RSRC1: variants seen among roughly 807,000 people sequenced by gnomAD.
RSRC1 encodes the protein serine/Arginine-related protein 53.
RSRC1 carries 39 observed loss-of-function variants against 49.1 expected under a neutral mutation model. The ratio of observed to expected loss-of-function variants is 0.79; its 90% confidence interval spans 0.61 to 1.04. The LOEUF is 1.04. Ranked by LOEUF, RSRC1 falls within the 50% of genes least tolerant of loss-of-function variation. RSRC1 has a pLI of 0.00. For missense variants in RSRC1, 388 were observed against 402.4 expected (o/e 0.96, Z 0.31); for synonymous variants, 143 against 130.8 (o/e 1.09, Z -0.63).
chr3:158,356,748 G>A (rs1731184353), intron 6 of RSRC1, among the ~76,000 whole-genome samples: 1 of 152,016 alleles, frequency 6.6e-6, no homozygotes, highest in South Asian at 2.1e-4. Flanking sequence ...GTAAACCCTT[G>A]CTTTGAAGGA....
chr3:158,242,915 G>A (rs1412161699), intron 4 of RSRC1, among the ~76,000 whole-genome samples: 2 of 151,900 alleles, frequency 1.3e-5, no homozygotes, highest in East Asian at 3.9e-4. Flanking sequence ...TTTTTGTGTT[G>A]TAAATTTAAG....
intron 5 of RSRC1, among the ~76,000 whole-genome samples, chr3:158,314,566 T>G (rs1281002790): frequency 6.6e-6 from 1 of 152,186 alleles, no homozygotes; most frequent in Non-Finnish European, 1.5e-5. Context: ...ATTGTTATCC[T>G]GTCAGCATGT....
At chr3:158,182,072 C>G (rs1482578309) in intron 3 of RSRC1, among the ~76,000 whole-genome samples, 2 of 151,886 alleles carry the variant, frequency 1.3e-5, no homozygotes, top group Non-Finnish European at 2.9e-5. Flanking sequence ...ATTGGGAGTT[C>G]GGGAGGTTGG....
chr3:158,521,300 C>T (rs1041542673), intron 7 of RSRC1, among the ~76,000 whole-genome samples: 3 of 152,098 alleles, frequency 2.0e-5, no homozygotes, highest in African/African-American at 7.2e-5. Context: ...GACTGTTGTA[C>T]ATGTTCTATT....
intron 5 of RSRC1, among the ~76,000 whole-genome samples, chr3:158,326,304 T>G (rs1729135788): frequency 6.6e-6 from 1 of 152,218 alleles, no homozygotes; most frequent in Non-Finnish European, 1.5e-5. Flanking sequence ...CCATGTCTTG[T>G]GCCGGTTTTC....
intron 3 of RSRC1, among the ~76,000 whole-genome samples, chr3:158,202,370 G>A (rs1247868610): frequency 6.6e-6 from 1 of 151,202 alleles, no homozygotes; most frequent in Non-Finnish European, 1.5e-5. Context: ...CATAAAGGTT[G>A]TCATCCTCAT....
chr3:158,334,338 A>G (rs2108201457), intron 5 of RSRC1, among the ~76,000 whole-genome samples: 1 of 152,320 alleles, frequency 6.6e-6, no homozygotes, highest in South Asian at 2.1e-4. Context: ...AGTAAAAATA[A>G]CTAGTTTTGT....
chr3:158,178,020 G>T (rs571799071), intron 3 of RSRC1, among the ~76,000 whole-genome samples: 22 of 152,166 alleles, frequency 1.4e-4, no homozygotes, highest in African/African-American at 5.1e-4. Flanking sequence ...TTATTAGCAG[G>T]ATATTGTTTT....
intron 6 of RSRC1, among the ~76,000 whole-genome samples, chr3:158,429,065 G>A (rs998904653): frequency 4.6e-5 from 7 of 151,800 alleles, no homozygotes; most frequent in Admixed American, 6.6e-5. Flanking sequence ...AGGGAGCAGC[G>A]CCCTAGCAAG....
intron 6 of RSRC1, among the ~76,000 whole-genome samples, chr3:158,453,303 T>C (rs1319878010): frequency 6.6e-6 from 1 of 151,642 alleles, no homozygotes; most frequent in Non-Finnish European, 1.5e-5. Flanking sequence ...AATAGGCTCC[T>C]ACAAGTGGGA....
chr3:158,534,162 A>G (rs964030368), intron 7 of RSRC1, among the ~76,000 whole-genome samples: 3 of 151,758 alleles, frequency 2.0e-5, no homozygotes, highest in African/African-American at 7.2e-5. Flanking sequence ...GCTGTCAGGG[A>G]CACATCTTCA....
chr3:158,364,207 A>G (rs1208640648), intron 6 of RSRC1, among the ~76,000 whole-genome samples: 1 of 152,120 alleles, frequency 6.6e-6, no homozygotes, highest in Non-Finnish European at 1.5e-5. Context: ...ATAATGTTGT[A>G]CTGTTTCCGG....
intron 4 of RSRC1, among the ~76,000 whole-genome samples, chr3:158,259,359 G>T (rs1724759039): frequency 6.6e-6 from 1 of 152,164 alleles, no homozygotes; most frequent in South Asian, 2.1e-4. Flanking sequence ...GTGGTCTTTG[G>T]TAAGATGCAG....
chr3:158,299,351 T>A (rs532112101), intron 5 of RSRC1, among the ~76,000 whole-genome samples: 172 of 152,128 alleles, frequency 1.1e-3, no homozygotes, highest in Middle Eastern at 3.4e-3. Flanking sequence ...TTTGTTTTTT[T>A]GAGATGGAGC....
At chr3:158,210,887 A>G (rs1259781369) in intron 4 of RSRC1, among the ~76,000 whole-genome samples, 2 of 152,034 alleles carry the variant, frequency 1.3e-5, no homozygotes, top group Non-Finnish European at 2.9e-5. Context: ...GCCCAATGGG[A>G]TTTGACTTGA....
chr3:158,492,722 A>G (rs189623325), intron 7 of RSRC1, among the ~76,000 whole-genome samples: 2 of 152,282 alleles, frequency 1.3e-5, no homozygotes, highest in Admixed American at 1.3e-4. Flanking sequence ...TCCTATTTAA[A>G]TTAAGTCATA....
chr3:158,228,865 A>ATATAAACACATACGTGTATATG (rs1722681589), intron 4 of RSRC1, among the ~76,000 whole-genome samples: 4 of 60,018 alleles, frequency 6.7e-5, no homozygotes, highest in Admixed American at 1.8e-4. Flanking sequence ...ACGTGTATAT[A>ATATAAACACATACGTGTATATG]TGTATATAAA....
At chr3:158,398,816 AGTAC>A (rs1270562712) in intron 6 of RSRC1, among the ~76,000 whole-genome samples, 2 of 152,168 alleles carry the variant, frequency 1.3e-5, no homozygotes, top group African/African-American at 4.8e-5. Context: ...CACCTAAGAC[AGTAC>A]TGGGAAACAT....
intron 4 of RSRC1, among the ~76,000 whole-genome samples, chr3:158,240,378 T>C (rs934284284): frequency 1.3e-5 from 2 of 152,184 alleles, no homozygotes; most frequent in African/African-American, 2.4e-5. Context: ...GATTTTTTTC[T>C]ATATCAATTG....
Sources: gnomAD v4.1 joint callset for allele counts (sites outside exome capture counted in the v4.1 genomes callset) on GRCh38, gnomAD v4.1.1 for gene constraint, MANE v1.5 for transcripts, NCBI Gene and HGNC (gene_info 2026-07-23, HGNC 2026-07-21) for gene names.